Variants in SAXO1 observed in about 807,000 individuals in gnomAD.
The protein encoded by SAXO1 is 4930500O09Rik.
Under a neutral mutation model 17.5 loss-of-function variants are expected in SAXO1, and 21 were observed. That is an observed-to-expected ratio of 1.20 (90% CI 0.85 to 1.72). The LOEUF is 1.72. Among genes scored for constraint, SAXO1 ranks in the 40% most tolerant of loss-of-function variants. The probability of loss-of-function intolerance (pLI) is 0.00; values close to 1 mark genes in which losing one functional copy is unlikely to be tolerated. For synonymous variants in SAXO1, 274 were observed against 216.5 expected (o/e 1.27, Z -2.33); for missense variants, 843 against 596.0 (o/e 1.41, Z -4.32).
chr9:18,999,589 G>C (rs1459492469), intron 1 of SAXO1, among the ~76,000 whole-genome samples: 1 of 150,002 alleles, frequency 6.7e-6, no homozygotes, highest in Non-Finnish European at 1.5e-5. Flanking sequence ...TCTGGGAAGT[G>C]AGGAGCGCCT....
intron 1 of SAXO1, among the ~76,000 whole-genome samples, chr9:18,995,951 C>T (rs143829251): frequency 3.9e-4 from 59 of 151,812 alleles, no homozygotes; most frequent in South Asian, 2.5e-3. Flanking sequence ...TGGTGGTGTA[C>T]GCCTGTAATC....
At chr9:18,938,336 T>A (rs2131689728) in intron 3 of SAXO1, among the ~76,000 whole-genome samples, 1 of 152,262 alleles carries the variant, frequency 6.6e-6, no homozygotes, top group East Asian at 1.9e-4. Context: ...TTCTGCAGGA[T>A]GTACAGGAAG....
At position 19,049,069 on chromosome 9, in the gene SAXO1, C is replaced by T. The variant is rs531237038; in HGVS notation, c.-158+140G>A. Reference sequence around the variant, plus strand: ...AGCGGACTGGGAAGTTAGGCTTTCCCTCCACTTCACCAGTCGGCTGCCCCT... The same window carrying T: ...AGCGGACTGGGAAGTTAGGCTTTCCTTCCACTTCACCAGTCGGCTGCCCCT... On this transcript the variant is annotated intron_variant, in intron 1 of 3. Transcript: ENST00000542071. The surrounding 1 kb of genome is among the most constrained non-coding windows in gnomAD (Gnocchi z 5.4). 6.5e-6 allele frequency: 1 copy of T among 152,722 alleles called. No homozygotes were observed. The highest frequency in any genetic ancestry group is 2.4e-5 in the African/African-American group (1 of 41,576). 9.5% of individuals were successfully genotyped at this position (152,722 alleles called of 1,614,324 possible).
At chr9:18,986,248 A>G (rs4977483) in intron 1 of SAXO1, among the ~76,000 whole-genome samples, 151,866 of 152,372 alleles carry the variant, frequency 1, 75,680 homozygotes, top group Middle Eastern at 1. Context: ...GGCATGGCCT[A>G]TTGGGTTGGT....
chr9:18,970,752 G>A (rs1832915340), intron 1 of SAXO1, among the ~76,000 whole-genome samples: 1 of 152,150 alleles, frequency 6.6e-6, no homozygotes, highest in Non-Finnish European at 1.5e-5. Flanking sequence ...TCCCTCTCTG[G>A]GGTACAAGTA....
chr9:19,018,809 T>C (rs1040428676), intron 1 of SAXO1, among the ~76,000 whole-genome samples: 4 of 152,216 alleles, frequency 2.6e-5, no homozygotes, highest in African/African-American at 4.8e-5. Flanking sequence ...TAAATATAGC[T>C]GCCTTAAGAA....
At chr9:19,007,065 T>C (rs1045210244) in intron 1 of SAXO1, among the ~76,000 whole-genome samples, 2 of 140,508 alleles carry the variant, frequency 1.4e-5, no homozygotes, top group African/African-American at 5.4e-5. Flanking sequence ...ATAAAAAAAA[T>C]AGACCAGGTG....
chr9:18,980,216 G>A (rs1249075744), intron 1 of SAXO1, among the ~76,000 whole-genome samples: 1 of 152,094 alleles, frequency 6.6e-6, no homozygotes, highest in South Asian at 2.1e-4. Flanking sequence ...TGAGACTGCT[G>A]AGCTCATTCA....
At chr9:18,948,907 C>A (rs189486932) in intron 2 of SAXO1, among the ~76,000 whole-genome samples, 1 of 152,136 alleles carries the variant, frequency 6.6e-6, no homozygotes, top group African/African-American at 2.4e-5. Flanking sequence ...ACCTGGAGAC[C>A]GAACAAGATA....
At chr9:19,038,837 A>C (rs1836009200) in intron 1 of SAXO1, among the ~76,000 whole-genome samples, 1 of 152,116 alleles carries the variant, frequency 6.6e-6, no homozygotes, top group African/African-American at 2.4e-5. Context: ...CCTTTAAAAA[A>C]ATTAAAAAAA....
chr9:18,993,898 A>G (rs1247415776), intron 1 of SAXO1, among the ~76,000 whole-genome samples: 1 of 152,188 alleles, frequency 6.6e-6, no homozygotes, highest in Non-Finnish European at 1.5e-5. Context: ...CTAACCCCCA[A>G]CTCAGCTGAA....
intron 1 of SAXO1, among the ~76,000 whole-genome samples, chr9:19,039,976 G>T (rs981915181): frequency 6.6e-6 from 1 of 152,116 alleles, no homozygotes; most frequent in South Asian, 2.1e-4. Context: ...TGATCTGCCC[G>T]CCTCGGCCTC....
At chr9:18,979,511 C>G (rs572104690) in intron 1 of SAXO1, among the ~76,000 whole-genome samples, 6 of 152,236 alleles carry the variant, frequency 3.9e-5, no homozygotes, top group African/African-American at 1.4e-4. Context: ...GCAGGGGGCA[C>G]GTGGTGGGAC....
intron 1 of SAXO1, among the ~76,000 whole-genome samples, chr9:19,000,205 C>A (rs1563972459): frequency 6.7e-6 from 1 of 149,700 alleles, no homozygotes. Context: ...CGCCTCCACC[C>A]GGTCGCCCAA....
At chr9:19,026,922 G>C in intron 1 of SAXO1, 2 of 795,344 alleles carry the variant, frequency 2.5e-6, no homozygotes, top group South Asian at 1.3e-5. Context: ...GGCCAAGCAA[G>C]ATGGAACTGG....
At chr9:18,965,530 T>C (rs923854333) in intron 1 of SAXO1, among the ~76,000 whole-genome samples, 1 of 152,220 alleles carries the variant, frequency 6.6e-6, no homozygotes, top group Non-Finnish European at 1.5e-5. Flanking sequence ...TGATCTTTGT[T>C]GATTTAAAGT....
intron 3 of SAXO1, among the ~76,000 whole-genome samples, chr9:18,934,460 G>T (rs1017982837): frequency 2.0e-5 from 3 of 152,036 alleles, no homozygotes; most frequent in African/African-American, 7.2e-5. Context: ...CCCCTCTAAC[G>T]AATTTTTTAT....
intron 1 of SAXO1, among the ~76,000 whole-genome samples, chr9:19,018,125 A>G (rs1221261626): frequency 1.3e-5 from 2 of 151,668 alleles, no homozygotes; most frequent in Admixed American, 1.3e-4. Flanking sequence ...TCATGACTGC[A>G]CCACTGCACT....
intron 1 of SAXO1, among the ~76,000 whole-genome samples, chr9:18,981,354 GA>G (rs1442646828): frequency 6.6e-6 from 1 of 152,122 alleles, no homozygotes; most frequent in East Asian, 1.9e-4. Flanking sequence ...AACAAGTCTG[GA>G]AACTGAGGCA....
Sources: allele counts gnomAD v4.1 joint callset (sites outside exome capture counted in the v4.1 genomes callset), GRCh38; gene constraint gnomAD v4.1.1; non-coding constraint Gnocchi (gnomAD v3.1); transcripts MANE v1.5; gene names NCBI Gene and HGNC (gene_info 2026-07-23, HGNC 2026-07-21).